The following NAV2 variants were observed in gnomAD, a reference collection of about 807,000 sequenced individuals.
NAV2 encodes helicase, APC down-regulated 1.
NAV2 carries 54 observed loss-of-function variants against 223.2 expected under a neutral mutation model. That is an observed-to-expected ratio of 0.24 (90% CI 0.19 to 0.30). The LOEUF (loss-of-function observed/expected upper bound fraction) is 0.30. Among genes scored for constraint, NAV2 ranks in the 10% least tolerant of loss-of-function variants. The probability of loss-of-function intolerance (pLI) is 1.00; values close to 1 mark genes in which losing one functional copy is unlikely to be tolerated. For synonymous variants in NAV2, 1,279 were observed against 1,239.3 expected, an observed-to-expected ratio of 1.03 and a Z score of -0.67; for missense variants, 2,806 against 3,147.5, an observed-to-expected ratio of 0.89 and a Z score of 2.60.
Position 19,555,386 on chromosome 11 carries a change from C to G in NAV2, c.75+204359C>G, listed in dbSNP as rs73420198. Among the ~76,000 whole-genome samples, 1,413 of 152,328 alleles carry G rather than the reference C, an allele frequency of 9.3e-3. 22 individuals are homozygous for G. The highest frequency in any genetic ancestry group is 0.032 in the African/African-American group (1,310 of 41,562). Reference sequence around the variant, plus strand: ...ACCTTGGGCAAGGCAGCTCTTTCATCCAGTGCAATTCCTGGGGACGAACTA... The same window carrying G: ...ACCTTGGGCAAGGCAGCTCTTTCATGCAGTGCAATTCCTGGGGACGAACTA... On this transcript the variant is annotated intron_variant, in intron 1 of 37. Transcript: ENST00000360655.
At chr11:19,518,533 T>C (rs1454116384) in intron 1 of NAV2, 1 of 152,280 alleles carries the variant, frequency 6.6e-6, no homozygotes, top group Non-Finnish European at 1.5e-5. Flanking sequence ...AGCTTGGCTG[T>C]GTCAGTAGAC....
chr11:19,886,416 A>T lies in NAV2; in HGVS notation c.771-6018A>T, dbSNP rs74671579. On this transcript the variant is annotated intron_variant, in intron 5 of 37. Coordinates refer to ENST00000349880, the MANE Select transcript of NAV2 (RefSeq NM_145117.5). ...ACACGTTACCCAGACTCGGTGGAGG[A>T]GGACAATAGGGAACCCAAGTTTGTC... Among the ~76,000 whole-genome samples, 1,296 of 152,272 alleles carry T rather than the reference A, an allele frequency of 8.5e-3. 22 individuals are homozygous for T. The highest frequency in any genetic ancestry group is 0.029 in the African/African-American group (1,220 of 41,558).
chr11:19,669,624 C>G (rs1198748171), intron 1 of NAV2, among the ~76,000 whole-genome samples: 1 of 152,256 alleles, frequency 6.6e-6, no homozygotes, highest in African/African-American at 2.4e-5. Context: ...TCTCCTTCCA[C>G]CGCCAGTGAG....
intron 23 of NAV2, 47 bp downstream of exon 23, chr11:20,077,682 C>G: frequency 7.0e-7 from 1 of 1,420,182 alleles, no homozygotes; most frequent in Non-Finnish European, 9.9e-7. Context: ...GAGTTAACAA[C>G]AAACTTGAAA....
At chr11:19,946,297 G>A (rs1164706023) in intron 8 of NAV2, 104 bp from the exon 9 acceptor site, 48 of 961,738 alleles carry the variant, frequency 5.0e-5, no homozygotes, top group Non-Finnish European at 5.4e-5. Context: ...AGCAAGGCAC[G>A]TGCTGAGCAT....
At chr11:19,778,530 A>T (rs1416962498) in intron 1 of NAV2, among the ~76,000 whole-genome samples, 3 of 152,202 alleles carry the variant, frequency 2.0e-5, no homozygotes, top group Non-Finnish European at 4.4e-5. Context: ...AAACACAAAA[A>T]AAACAAAAAG....
intron 1 of NAV2, among the ~76,000 whole-genome samples, chr11:19,606,120 G>T (rs2046470620): frequency 6.6e-6 from 1 of 152,220 alleles, no homozygotes; most frequent in Non-Finnish European, 1.5e-5. Context: ...TCCCTAGGGA[G>T]AGCTTGCTTT....
chr11:19,884,573 A>G (rs1328452139), intron 5 of NAV2, among the ~76,000 whole-genome samples: 1 of 152,232 alleles, frequency 6.6e-6, no homozygotes, highest in Non-Finnish European at 1.5e-5. Flanking sequence ...GGGAAGTGAC[A>G]GAGTGCAAGT....
chr11:19,801,708 C>T (rs534421238), intron 1 of NAV2, among the ~76,000 whole-genome samples: 11 of 152,202 alleles, frequency 7.2e-5, no homozygotes, highest in Non-Finnish European at 1.5e-4. Context: ...AGGGCAGTCT[C>T]TGGCTGAATC....
intron 1 of NAV2, among the ~76,000 whole-genome samples, chr11:19,443,555 C>G (rs1401317400): frequency 6.6e-6 from 1 of 152,208 alleles, no homozygotes; most frequent in Admixed American, 6.5e-5. Flanking sequence ...AAAGCAGTGG[C>G]CAGCACACTA....
At chr11:19,395,598 T>C (rs952213242) in intron 1 of NAV2, among the ~76,000 whole-genome samples, 16 of 152,324 alleles carry the variant, frequency 1.1e-4, no homozygotes, top group African/African-American at 3.8e-4. Context: ...TTCCCACTAC[T>C]GTCCTCAGGA....
intron 6 of NAV2, among the ~76,000 whole-genome samples, chr11:19,930,145 T>C (rs570240648): frequency 3.0e-4 from 46 of 152,218 alleles, no homozygotes; most frequent in African/African-American, 1.1e-3. Context: ...ATGGAAGAGG[T>C]ATGGACGGAA....
intron 11 of NAV2, chr11:20,027,119 C>A: frequency 3.9e-6 from 1 of 259,488 alleles, no homozygotes; most frequent in Non-Finnish European, 6.0e-6. Context: ...ATTTTCTTAA[C>A]AGGCCCCAGC....
chr11:19,952,033 C>A (rs1210431211), intron 10 of NAV2, among the ~76,000 whole-genome samples: 1 of 152,194 alleles, frequency 6.6e-6, no homozygotes, highest in South Asian at 2.1e-4. Context: ...AGCATGTATC[C>A]ACTCTGTGGA....
intron 4 of NAV2, among the ~76,000 whole-genome samples, chr11:19,872,200 T>C (rs1241657287): frequency 6.6e-6 from 1 of 152,206 alleles, no homozygotes; most frequent in African/African-American, 2.4e-5. Context: ...CTTGACATCA[T>C]GTTACATTAC....
chr11:19,421,266 C>T (rs1418543831), intron 1 of NAV2, among the ~76,000 whole-genome samples: 2 of 152,180 alleles, frequency 1.3e-5, no homozygotes, highest in Non-Finnish European at 2.9e-5. Context: ...TGCTGCAGTC[C>T]AGGTTCCCAT....
chr11:20,082,340 G>A (rs530063406), intron 25 of NAV2, among the ~76,000 whole-genome samples: 1 of 152,248 alleles, frequency 6.6e-6, no homozygotes, highest in East Asian at 1.9e-4. Context: ...AGCCAGACAG[G>A]GAAAAGCTGG....
intron 4 of NAV2, among the ~76,000 whole-genome samples, chr11:19,877,290 T>A (rs2062897513): frequency 6.6e-6 from 1 of 152,014 alleles, no homozygotes; most frequent in African/African-American, 2.4e-5. Context: ...CTTATTGTTA[T>A]AAACTATATG....
intron 1 of NAV2, among the ~76,000 whole-genome samples, chr11:19,693,305 A>T (rs2049238002): frequency 1.3e-5 from 2 of 152,124 alleles, no homozygotes; most frequent in Admixed American, 1.3e-4. Flanking sequence ...GACTTTTCCC[A>T]TTGTCATGAG....
Sources: allele counts gnomAD v4.1 joint callset (sites outside exome capture counted in the v4.1 genomes callset), GRCh38; gene constraint gnomAD v4.1.1; transcripts MANE v1.5; gene names NCBI Gene and HGNC (gene_info 2026-07-23, HGNC 2026-07-21).